The following DCLK1 variants were observed in gnomAD, a reference collection of about 807,000 sequenced individuals.
The protein encoded by DCLK1 is doublecortin like kinase 1, also known as serine/threonine-protein kinase DCLK1.
A neutral mutation model predicts 86.2 loss-of-function variants in DCLK1; 16 were observed. That is an observed-to-expected ratio of 0.19 (90% confidence interval 0.13 to 0.28). The LOEUF (loss-of-function observed/expected upper bound fraction) is 0.28, where lower values mean the gene tolerates loss of function less well. Ranked by LOEUF, DCLK1 falls within the 10% of genes least tolerant of loss-of-function variation. DCLK1 has a pLI of 1.00. For synonymous variants in DCLK1, 369 were observed against 370.5 expected (o/e 1.00, Z 0.05); for missense variants, 590 against 940.2 (o/e 0.63, Z 4.87).
chr13:35,898,235 T>C (rs910072865), intron 4 of DCLK1, among the ~76,000 whole-genome samples: 2 of 152,192 alleles, frequency 1.3e-5, no homozygotes, highest in Admixed American at 6.5e-5. Context: ...ATGAATGTCT[T>C]ATCCTAGAAG....
intron 3 of DCLK1, among the ~76,000 whole-genome samples, chr13:36,002,168 G>C (rs900686289): frequency 1.3e-5 from 2 of 152,140 alleles, no homozygotes; most frequent in Admixed American, 1.3e-4. Context: ...ATAAGCACAG[G>C]CTTTTTGGTC....
chr13:35,896,918 A>G (rs1386271628), intron 4 of DCLK1, among the ~76,000 whole-genome samples: 1 of 152,172 alleles, frequency 6.6e-6, no homozygotes, highest in Non-Finnish European at 1.5e-5. Flanking sequence ...CTCATAGCAC[A>G]GGGAACACTT....
chr13:35,793,470 G>C lies in DCLK1; in HGVS notation c.1954C>G (p.Leu652Val). The stretch of plus-strand genomic sequence containing the variant: ...GACAGCTGATGTTCATTTTCTGGGA[G>C]GCCATCATCCTGGAGAAAAAGAAAT... ...LEHPWVNDDG[L>V]PENEHQLSVA... is the part of the protein sequence containing the mutation. The change falls in exon 16 of 17, where the codon CTC (leucine) becomes GTC (valine). Residue 652 changes from leucine to valine, a missense_variant. Leu to Val is a conservative substitution (Grantham distance 32). Transcript: ENST00000360631. 1 of 1,601,724 alleles carries C rather than the reference G, an allele frequency of 6.2e-7. No homozygotes were observed. The highest frequency in any genetic ancestry group is 1.1e-5 in the South Asian group (1 of 88,808).
At chr13:36,117,411 A>G (rs899882089) in intron 2 of DCLK1, among the ~76,000 whole-genome samples, 24 of 152,192 alleles carry the variant, frequency 1.6e-4, no homozygotes, top group Non-Finnish European at 3.5e-4. Flanking sequence ...AATTGCAACA[A>G]AAGAATAATC....
At chr13:35,849,049 A>G in intron 6 of DCLK1, 1 of 985,330 alleles carries the variant, frequency 1.0e-6, no homozygotes, top group Non-Finnish European at 1.2e-6. Context: ...GCAGCTCTTG[A>G]ATAACCTGCC....
At chr13:35,838,805 C>T (rs1357014635) in intron 7 of DCLK1, among the ~76,000 whole-genome samples, 3 of 152,136 alleles carry the variant, frequency 2.0e-5, no homozygotes, top group Non-Finnish European at 2.9e-5. Flanking sequence ...ACGATCCCAG[C>T]GATCCCCTCT....
chr13:35,919,815 C>T (rs1236432987), intron 4 of DCLK1, among the ~76,000 whole-genome samples: 1 of 138,214 alleles, frequency 7.2e-6, no homozygotes, highest in African/African-American at 2.7e-5. Context: ...AATTTTTTTT[C>T]ATTAAAAAAA....
At chr13:36,097,331 T>C (rs1464848117) in intron 3 of DCLK1, among the ~76,000 whole-genome samples, 1 of 152,226 alleles carries the variant, frequency 6.6e-6, no homozygotes, top group African/African-American at 2.4e-5. Context: ...TTAAAATCAT[T>C]AAATAATATA....
chr13:35,966,491 T>C (rs1221938276), intron 3 of DCLK1, among the ~76,000 whole-genome samples: 14 of 125,154 alleles, frequency 1.1e-4, no homozygotes, highest in African/African-American at 3.1e-4. Context: ...CCTCTCCCTC[T>C]CCCCCTCCCC....
At chr13:35,956,109 G>A (rs955521366) in intron 3 of DCLK1, among the ~76,000 whole-genome samples, 1 of 152,036 alleles carries the variant, frequency 6.6e-6, no homozygotes, top group Non-Finnish European at 1.5e-5. Context: ...TTCACTTAAG[G>A]AATTAAAGGA....
In DCLK1 at chr13:35,966,862, A is replaced by G. The variant is rs1232205031; in HGVS notation, c.724-19405T>C. On this transcript the variant is annotated intron_variant, in intron 3 of 16. Coordinates refer to ENST00000360631, the MANE Select transcript of DCLK1 (RefSeq NM_001330071.2). The stretch of plus-strand genomic sequence containing the variant: ...GTGATCTCCGCTCGCTACCACCTCC[A>G]CCTCCCAGCCGCCTGCCTTGGCCTC... 3.3e-5 allele frequency among the ~76,000 whole-genome samples: 5 copies of G among 150,580 alleles called. No homozygotes were observed. The East Asian group carries it at 8.0e-4, about 24-fold the overall frequency.
chr13:35,945,980 C>A (rs1373012903), intron 4 of DCLK1, among the ~76,000 whole-genome samples: 1 of 152,114 alleles, frequency 6.6e-6, no homozygotes, highest in Non-Finnish European at 1.5e-5. Context: ...GAGAAAGGGG[C>A]AATTTTAAAA....
At chr13:35,780,932 C>T (rs2086514160) in intron 16 of DCLK1, among the ~76,000 whole-genome samples, 2 of 152,206 alleles carry the variant, frequency 1.3e-5, no homozygotes, top group Non-Finnish European at 2.9e-5. Flanking sequence ...CAGATTTATT[C>T]CCATAAAGGA....
At chr13:35,891,944 T>C (rs1873670649) in intron 4 of DCLK1, among the ~76,000 whole-genome samples, 1 of 152,138 alleles carries the variant, frequency 6.6e-6, no homozygotes, top group African/African-American at 2.4e-5. Flanking sequence ...TTCTTCTGAT[T>C]CCTGGGATTA....
chr13:35,850,648 G>C (rs1379097612), intron 6 of DCLK1: 14 of 1,444,770 alleles, frequency 9.7e-6, no homozygotes, highest in Non-Finnish European at 1.3e-5. Flanking sequence ...GTATTTTGCT[G>C]TAAGACTTTT....
At chr13:35,976,829 C>T (rs1879371005) in intron 3 of DCLK1, among the ~76,000 whole-genome samples, 1 of 152,096 alleles carries the variant, frequency 6.6e-6, no homozygotes, top group Non-Finnish European at 1.5e-5. Flanking sequence ...CCACCGCGCC[C>T]GGCCTTCTCC....
chr13:36,074,670 C>A (rs1313696620), intron 3 of DCLK1, among the ~76,000 whole-genome samples: 1 of 152,100 alleles, frequency 6.6e-6, no homozygotes, highest in Admixed American at 6.6e-5. Flanking sequence ...CTATAGACAC[C>A]TATAGCTTTG....
intron 16 of DCLK1, among the ~76,000 whole-genome samples, chr13:35,776,903 A>G (rs567045502): frequency 1.6e-3 from 238 of 152,300 alleles, no homozygotes; most frequent in African/African-American, 5.3e-3. Context: ...AAATACTGTA[A>G]TTCAGTTTAT....
chr13:35,904,348 T>C (rs1874559733), intron 4 of DCLK1, among the ~76,000 whole-genome samples: 1 of 152,138 alleles, frequency 6.6e-6, no homozygotes, highest in South Asian at 2.1e-4. Flanking sequence ...GGTGCCACCA[T>C]GCCCGGCTAA....
Sources: gnomAD v4.1 joint callset for allele counts (sites outside exome capture counted in the v4.1 genomes callset) on GRCh38, gnomAD v4.1.1 for gene constraint, MANE v1.5 for transcripts, NCBI Gene and HGNC (gene_info 2026-07-23, HGNC 2026-07-21) for gene names.